Variants in CACNB2 observed in about 807,000 individuals in gnomAD.
CACNB2 encodes the protein voltage-dependent L-type calcium channel subunit beta-2.
In CACNB2, 42 loss-of-function variants were observed where a neutral mutation model predicts 73.3. That is an observed-to-expected ratio of 0.57 (90% CI 0.45 to 0.74). CACNB2 has a LOEUF of 0.74. CACNB2 is among the 30% of genes least tolerant of loss of function. The probability of loss-of-function intolerance (pLI) is 0.00; values close to 1 mark genes in which losing one functional copy is unlikely to be tolerated. For missense variants in CACNB2, 940 were observed against 853.0 expected (o/e 1.10, Z -1.27); for synonymous variants, 348 against 310.3 (o/e 1.12, Z -1.28).
chr10:18,322,092 G>A (rs2040418437), intron 2 of CACNB2, among the ~76,000 whole-genome samples: 1 of 152,098 alleles, frequency 6.6e-6, no homozygotes, highest in Non-Finnish European at 1.5e-5. Flanking sequence ...GGAGTTGGAG[G>A]CTGTGGTGAG....
chr10:18,152,882 C>CGAA (rs2031723139), intron 2 of CACNB2, among the ~76,000 whole-genome samples: 1 of 151,996 alleles, frequency 6.6e-6, no homozygotes. Flanking sequence ...CAGTGTAGAA[C>CGAA]CCGTTATTAG....
At chr10:18,326,595 G>T (rs2040598504) in intron 2 of CACNB2, among the ~76,000 whole-genome samples, 1 of 152,306 alleles carries the variant, frequency 6.6e-6, no homozygotes, top group East Asian at 1.9e-4. Flanking sequence ...TACTTAATAA[G>T]CACAGCTCAC....
chr10:18,292,559 G>A (rs112475399), intron 2 of CACNB2, among the ~76,000 whole-genome samples: 20,056 of 152,140 alleles, frequency 0.13, 1,583 homozygotes, highest in South Asian at 0.17. Context: ...AGGAGGCTGA[G>A]GCAGAAGAAT....
At position 18,353,557 on chromosome 10, in the gene CACNB2, C is replaced by T. The variant is rs952611324; in HGVS notation, c.214-48367C>T. Among the ~76,000 whole-genome samples the T allele has an allele frequency of 1.8e-4, 28 of 152,250 alleles. 2 individuals are homozygous for T. The highest frequency in any genetic ancestry group is 3.3e-4 in the Admixed American group (5 of 15,292). On this transcript the variant is annotated intron_variant, in intron 2 of 13. Transcript: ENST00000324631. ...AATATGTAAGCATTTCTTCACAGTT[C>T]GCCGATCTACGTTGATTCAGTATAA...
chr10:18,316,149 T>A (rs1339510614), intron 2 of CACNB2, among the ~76,000 whole-genome samples: 1 of 152,120 alleles, frequency 6.6e-6, no homozygotes, highest in Non-Finnish European at 1.5e-5. Flanking sequence ...TAATTTACAT[T>A]TACATTTACA....
chr10:18,430,452 C>G (rs1225039625), intron 3 of CACNB2, among the ~76,000 whole-genome samples: 1 of 151,960 alleles, frequency 6.6e-6, no homozygotes, highest in Non-Finnish European at 1.5e-5. Context: ...TAGGGAGACC[C>G]TGTCTCTTAA....
At chr10:18,518,300 C>T (rs1272337934) in intron 7 of CACNB2, 36 bp from the exon 8 acceptor site, 1 of 1,378,376 alleles carries the variant, frequency 7.3e-7, no homozygotes. Flanking sequence ...TTCTACCTGC[C>T]TGTGAAACGT....
At chr10:18,392,909 G>GA (rs2043545707) in intron 2 of CACNB2, among the ~76,000 whole-genome samples, 1 of 151,978 alleles carries the variant, frequency 6.6e-6, no homozygotes, top group South Asian at 2.1e-4. Flanking sequence ...ATATTAGCAT[G>GA]AAAAAATTCT....
At chr10:18,357,787 A>G (rs1049514943) in intron 2 of CACNB2, among the ~76,000 whole-genome samples, 3 of 152,166 alleles carry the variant, frequency 2.0e-5, no homozygotes, top group African/African-American at 7.2e-5. Flanking sequence ...GTAAAATGCA[A>G]ACAGGTGTAT....
intron 2 of CACNB2, among the ~76,000 whole-genome samples, chr10:18,236,009 G>A (rs906158637): frequency 2.6e-5 from 4 of 152,046 alleles, no homozygotes. Flanking sequence ...CATGTAACAT[G>A]GCTGTTTTCC....
intron 2 of CACNB2, among the ~76,000 whole-genome samples, chr10:18,179,898 G>A (rs2033788719): frequency 6.6e-6 from 1 of 152,194 alleles, no homozygotes; most frequent in African/African-American, 2.4e-5. Flanking sequence ...ACTGGTGACA[G>A]AGGGGCGTGT....
intron 2 of CACNB2, among the ~76,000 whole-genome samples, chr10:18,382,538 C>T (rs1453765996): frequency 6.6e-6 from 1 of 152,064 alleles, no homozygotes; most frequent in Non-Finnish European, 1.5e-5. Context: ...CTCTCCTTCT[C>T]CCTTCCCCAC....
chr10:18,185,261 T>C (rs949036482), intron 2 of CACNB2, among the ~76,000 whole-genome samples: 1 of 152,244 alleles, frequency 6.6e-6, no homozygotes, highest in African/African-American at 2.4e-5. Context: ...AATTCACCTT[T>C]TTAAAGTATA....
chr10:18,492,056 T>C (rs2049467061), intron 3 of CACNB2, among the ~76,000 whole-genome samples: 1 of 152,104 alleles, frequency 6.6e-6, no homozygotes, highest in East Asian at 1.9e-4. Flanking sequence ...AGACTTACAG[T>C]CGTCTAGGAA....
chr10:18,201,960 A>G (rs1282081617), intron 2 of CACNB2, among the ~76,000 whole-genome samples: 1 of 152,192 alleles, frequency 6.6e-6, no homozygotes, highest in East Asian at 1.9e-4. Context: ...TAATTCTCAT[A>G]ATTTCTTCAA....
At chr10:18,154,358 C>T (rs1441549810) in intron 2 of CACNB2, among the ~76,000 whole-genome samples, 1 of 151,780 alleles carries the variant, frequency 6.6e-6, no homozygotes, top group African/African-American at 2.4e-5. Context: ...TCCTCCTATC[C>T]AACCCTCAAA....
chr10:18,443,018 A>G (rs796120525), intron 3 of CACNB2, among the ~76,000 whole-genome samples: 2,960 of 69,796 alleles, frequency 0.042, 477 homozygotes, highest in Non-Finnish European at 0.067. Context: ...ATATATGTAT[A>G]TATATATATA....
chr10:18,301,590 G>T (rs2039511410), intron 2 of CACNB2, among the ~76,000 whole-genome samples: 1 of 151,700 alleles, frequency 6.6e-6, no homozygotes, highest in African/African-American at 2.4e-5. Flanking sequence ...GCGAGATCCT[G>T]TCGCAAAAAC....
chr10:18,181,929 C>T (rs987281814), intron 2 of CACNB2: 2 of 152,118 alleles, frequency 1.3e-5, no homozygotes, highest in East Asian at 1.9e-4. Flanking sequence ...GCCTTGAGGT[C>T]AACTTTAAAC....
Sources: gnomAD v4.1 joint callset for allele counts (sites outside exome capture counted in the v4.1 genomes callset) on GRCh38, gnomAD v4.1.1 for gene constraint, MANE v1.5 for transcripts, NCBI Gene and HGNC (gene_info 2026-07-23, HGNC 2026-07-21) for gene names.